The following NFYA variants were observed in gnomAD, a reference collection of about 807,000 sequenced individuals.
The protein encoded by NFYA is nuclear transcription factor Y subunit alpha.
Under a neutral mutation model 52.8 loss-of-function variants are expected in NFYA, and 28 were observed. That is an observed-to-expected ratio of 0.53 (90% CI 0.39 to 0.73). The LOEUF (loss-of-function observed/expected upper bound fraction) is 0.73. NFYA is among the 30% of genes least tolerant of loss of function. The pLI, the probability that NFYA is intolerant of heterozygous loss-of-function variation, is 0.00. For missense variants in NFYA, 234 were observed against 427.0 expected, an observed-to-expected ratio of 0.55 and a Z score of 3.98; for synonymous variants, 150 against 150.7, an observed-to-expected ratio of 1.00 and a Z score of 0.03.
chr6:41,091,504 G>T (rs1034495678), intron 6 of NFYA, 24 bp from the exon 7 acceptor site: 2 of 1,608,130 alleles, frequency 1.2e-6, no homozygotes, highest in Middle Eastern at 1.7e-4. Context: ...TTTTTTGTTT[G>T]TTTTATGTTT....
In NFYA at chr6:41,101,013, C is replaced by G. The variant is rs960574564; in HGVS notation, c.*3603C>G. ...CTGGGCCCTGTTTCCGGTACCTAGG[C>G]GGGCAGCCATGGTGACCGGCGAGCG... On this transcript the variant is annotated 3_prime_UTR_variant, in exon 10 of 10. Coordinates refer to ENST00000341376, the MANE Select transcript of NFYA (RefSeq NM_002505.5). 3 of 152,274 alleles carry G rather than the reference C, an allele frequency of 2.0e-5. No homozygotes were observed. The highest frequency in any genetic ancestry group is 7.2e-5 in the African/African-American group (3 of 41,464). 9.4% of individuals were successfully genotyped at this position (152,274 alleles called of 1,614,324 possible). A position where few individuals can be genotyped will look rare whatever the true frequency, so the allele number is the denominator to read the frequency against.
In NFYA at chr6:41,091,583, A is replaced by G. The variant is rs1764197590; in HGVS notation, c.603A>G (p.Ala201=). 6.2e-7 allele frequency: 1 copy of G among 1,614,212 alleles called. No homozygotes were observed. ...ITIPAASLAG[A]QIVQTGANTN... Reference sequence around the variant, plus strand: ...TCCCAGCAGCCAGTTTGGCAGGAGCACAGATTGTTCAAACAGGAGCCAATA... The same window carrying G: ...TCCCAGCAGCCAGTTTGGCAGGAGCGCAGATTGTTCAAACAGGAGCCAATA... Residue 201 remains alanine (A), a synonymous_variant, in exon 7 of 10, where the codon GCA becomes GCG. Coordinates refer to ENST00000341376, the MANE Select transcript of NFYA (RefSeq NM_002505.5).
chr6:41,075,147 TTAAG>T (rs1450725968), intron 1 of NFYA: 1 of 152,238 alleles, frequency 6.6e-6, no homozygotes, highest in East Asian at 1.9e-4. Flanking sequence ...ATGATAGAGC[TTAAG>T]TAGTCTAAAA....
chr6:41,095,691 A>G (rs1764333738), intron 9 of NFYA, among the ~76,000 whole-genome samples: 1 of 152,196 alleles, frequency 6.6e-6, no homozygotes, highest in Non-Finnish European at 1.5e-5. Flanking sequence ...TTGGCCTCCC[A>G]AAGTGCTAGG....
rs758017797 is a variant in NFYA at position 41,094,380 on chromosome 6, T to G, written c.889-16T>G. On this transcript the variant is annotated splice_polypyrimidine_tract_variant and intron_variant, in intron 8 of 9. Transcript: ENST00000341376. ...GGATAGTATTAATAGTTAAATGGTT[T>G]TATTTCTCGTTTTAGAAATACCTGC... 3.1e-6 allele frequency: 5 copies of G among 1,609,274 alleles called. No individual in the cohort carries two copies. In the African/African-American group the frequency reaches 5.3e-5, roughly 17 times the overall value.
chr6:41,092,588 G>A (rs1378805538), intron 7 of NFYA, among the ~76,000 whole-genome samples: 1 of 152,004 alleles, frequency 6.6e-6, no homozygotes, highest in Admixed American at 6.6e-5. Context: ...CTATTTTTGT[G>A]CTGTTTTTTT....
chr6:41,090,381 T>A (rs775111138), intron 6 of NFYA, 72 bp downstream of exon 6: 4 of 884,442 alleles, frequency 4.5e-6, no homozygotes, highest in African/African-American at 1.7e-5. Context: ...CTGACATCTT[T>A]AGAATTTGAG....
chr6:41,084,179 A>C lies in NFYA; in HGVS notation c.296A>C (p.Gln99Pro). 1 of 1,613,952 alleles carries C rather than the reference A, an allele frequency of 6.2e-7. No individual in the cohort carries two copies. Among genetic ancestry groups the C allele is most frequent in the Non-Finnish European group, 8.5e-7 (1 of 1,179,948 alleles). ...TIMQVPVSGT[Q>P]GLQQIQLVPP... Reference sequence around the variant, plus strand: ...ATGCAAGTACCTGTTTCTGGAACACAGGGTTTGCAGCAAGTGAGTAATATT... The same window carrying C: ...ATGCAAGTACCTGTTTCTGGAACACCGGGTTTGCAGCAAGTGAGTAATATT... Residue 99 changes from glutamine to proline, a missense_variant, in exon 4 of 10, where the codon CAG (glutamine) becomes CCG (proline). Transcript: ENST00000341376.
In NFYA at chr6:41,100,717, C is replaced by T. The variant is rs148015062; in HGVS notation, c.*3307C>T. Among the ~76,000 whole-genome samples the T allele has an allele frequency of 1.6e-4, 25 of 152,332 alleles. No individual in the cohort carries two copies. The highest frequency in any genetic ancestry group is 5.3e-4 in the African/African-American group (22 of 41,566). ...TCTGTGGTATGAGGGAAAGACCTCT[C>T]GATATTTATCTCACACCAACGGCTT... On this transcript the variant is annotated 3_prime_UTR_variant, in exon 10 of 10. Transcript: ENST00000341376.
chr6:41,089,374 A>C (rs1764137362), intron 4 of NFYA, among the ~76,000 whole-genome samples: 1 of 152,238 alleles, frequency 6.6e-6, no homozygotes, highest in African/African-American at 2.4e-5. Flanking sequence ...TGTTAATATC[A>C]GGTATCCAGA....
At chr6:41,078,759 G>A (rs1162930945) in intron 1 of NFYA, among the ~76,000 whole-genome samples, 1 of 152,166 alleles carries the variant, frequency 6.6e-6, no homozygotes, top group African/African-American at 2.4e-5. Flanking sequence ...AGCTTAACGA[G>A]TATCTCTTAG....
chr6:41,075,805 T>G (rs544068750), intron 1 of NFYA: 87 of 152,240 alleles, frequency 5.7e-4, no homozygotes, highest in African/African-American at 2.1e-3. Context: ...CCCATATCAC[T>G]TTATCTCTTA....
rs1428026243 is a variant in NFYA, at chr6:41,102,107, C to T, written c.*4697C>T. 2.0e-5 allele frequency: 3 copies of T among 152,172 alleles called. No individual in the cohort carries two copies. The highest frequency in any genetic ancestry group is 4.8e-5 in the African/African-American group (2 of 41,412). 9.4% of individuals were successfully genotyped at this position (152,172 alleles called of 1,614,324 possible). ...TCTTCAGTTATTACATTAGTGACAT[C>T]GTGGAGCGTGAGTGATCATTGTAGG... is the stretch of plus-strand genomic sequence containing the variant. On this transcript the variant is annotated 3_prime_UTR_variant, in exon 10 of 10. Coordinates refer to ENST00000341376, the MANE Select transcript of NFYA (RefSeq NM_002505.5).
At chr6:41,090,535 G>A (rs551961918) in intron 6 of NFYA, among the ~76,000 whole-genome samples, 3 of 152,304 alleles carry the variant, frequency 2.0e-5, no homozygotes, top group African/African-American at 7.2e-5. Context: ...CTAATCTAGG[G>A]ATTGTGTAAG....
chr6:41,079,346 TG>T (rs1763843893), intron 2 of NFYA, among the ~76,000 whole-genome samples, 182 bp downstream of exon 2: 1 of 152,252 alleles, frequency 6.6e-6, no homozygotes, highest in Middle Eastern at 3.2e-3. Flanking sequence ...CTACTCTTCA[TG>T]GGTGCCTGGT....
intron 9 of NFYA, among the ~76,000 whole-genome samples, chr6:41,096,635 CTCAGATCCTGCCTACCAAGGCT>C (rs1226561552): frequency 6.6e-6 from 1 of 152,232 alleles, no homozygotes; most frequent in Admixed American, 6.5e-5. Flanking sequence ...TCAGCTTTTT[CTCAGATCCTGCCTACCAAGGCT>C]TCAGAGCCTT....
Position 41,101,487 on chromosome 6 carries a change from G to A in NFYA, c.*4077G>A, listed in dbSNP as rs964641679. 2.6e-5 allele frequency among the ~76,000 whole-genome samples: 4 copies of A among 152,150 alleles called. No homozygotes were observed. The highest frequency in any genetic ancestry group is 3.8e-4 in the East Asian group (2 of 5,196). ...TTGAACCCGTTTTTCCCAACCCCGA[G>A]CATTTTCTATTAAGCGTTCTGTTTC... On this transcript the variant is annotated 3_prime_UTR_variant, in exon 10 of 10. Transcript: ENST00000341376.
At chr6:41,076,042 A>G (rs570383390) in intron 1 of NFYA, among the ~76,000 whole-genome samples, 2 of 152,336 alleles carry the variant, frequency 1.3e-5, no homozygotes, top group South Asian at 2.1e-4. Context: ...TCAAGCGTCT[A>G]TCAGGACCCA....
chr6:41,093,192 C>T (rs1397862779), intron 8 of NFYA, 107 bp downstream of exon 8: 37 of 937,762 alleles, frequency 3.9e-5, no homozygotes, highest in Middle Eastern at 3.0e-4. Context: ...AAACAATTGA[C>T]GTTAGATACT....
Sources: allele counts gnomAD v4.1 joint callset (sites outside exome capture counted in the v4.1 genomes callset), GRCh38; gene constraint gnomAD v4.1.1; transcripts MANE v1.5; gene names NCBI Gene and HGNC (gene_info 2026-07-23, HGNC 2026-07-21).